VSIR: variants seen among roughly 807,000 people sequenced by gnomAD.
The protein encoded by VSIR is V-set immunoregulatory receptor.
A neutral mutation model predicts 31.0 loss-of-function variants in VSIR; 10 were observed. The ratio of observed to expected loss-of-function variants is 0.32; its 90% confidence interval spans 0.20 to 0.55. The LOEUF is 0.55. VSIR is among the 20% of genes least tolerant of loss of function. The probability of loss-of-function intolerance (pLI) is 0.93; values close to 1 mark genes in which losing one functional copy is unlikely to be tolerated. For synonymous variants in VSIR, 179 were observed against 180.1 expected (o/e 0.99, Z 0.05); for missense variants, 356 against 416.2 (o/e 0.86, Z 1.26).
In VSIR at chr10:71,767,314, G is replaced by C. The variant is rs573123010; in HGVS notation, c.83-5288C>G. Among the ~76,000 whole-genome samples the C allele has an allele frequency of 5.9e-5, 9 of 152,314 alleles. No individual in the cohort carries two copies. The South Asian group carries it at 1.9e-3, about 32-fold the overall frequency. On this transcript the variant is annotated intron_variant, in intron 1 of 6. Coordinates refer to ENST00000394957, the MANE Select transcript of VSIR (RefSeq NM_022153.2). ...CAGGGCGTGAGCTTAGCCCACAGTC[G>C]CCAAGGCAACGCCCTAGCCTTTGGA... is the stretch of plus-strand genomic sequence containing the variant.
chr10:71,755,668 A>G (rs917881142), intron 3 of VSIR, among the ~76,000 whole-genome samples: 1 of 152,096 alleles, frequency 6.6e-6, no homozygotes. Flanking sequence ...CTGCCGCCCT[A>G]TGCCCCTGGA....
At chr10:71,756,222 G>A (rs762097876) in intron 3 of VSIR, among the ~76,000 whole-genome samples, 13 of 152,178 alleles carry the variant, frequency 8.5e-5, no homozygotes, top group Non-Finnish European at 1.3e-4. Context: ...CCTCTGAAGA[G>A]ATCATCCCTG....
chr10:71,761,015 G>C, intron 2 of VSIR, 91 bp from the exon 3 acceptor site: 1 of 1,321,194 alleles, frequency 7.6e-7, no homozygotes, highest in Non-Finnish European at 1.1e-6. Flanking sequence ...TCCTGCCCCA[G>C]GTTCTCACGC....
intron 4 of VSIR, 53 bp from the exon 5 acceptor site, chr10:71,753,055 C>G (rs1840046218): frequency 1.3e-6 from 2 of 1,593,142 alleles, no homozygotes; most frequent in Admixed American, 1.7e-5. Flanking sequence ...CTTCCCCATA[C>G]AACATCCCTG....
At position 71,773,415 on chromosome 10, in the gene VSIR, C is replaced by A. The variant is rs1270829068; in HGVS notation, c.25G>T (p.Ala9Ser). 1 of 1,606,726 alleles carries A rather than the reference C, an allele frequency of 6.2e-7. No individual in the cohort carries two copies. The highest frequency in any genetic ancestry group is 1.7e-5 in the Admixed American group (1 of 59,200). Residue 9 changes from alanine (A) to serine (S), a missense_variant, in exon 1 of 7, where the codon GCC becomes TCC. Ala to Ser is a moderately conservative substitution (Grantham distance 99). Coordinates refer to ENST00000394957, the MANE Select transcript of VSIR (RefSeq NM_022153.2). ...AGGGATCCCCAGCGCCAGCTGCCGG[C>A]CTCCAGGGCCGTGGGGACGCCCATG... MGVPTALE[A>S]GSWRWGSLLF...
At chr10:71,759,430 C>A (rs1840238238) in intron 3 of VSIR, among the ~76,000 whole-genome samples, 1 of 151,998 alleles carries the variant, frequency 6.6e-6, no homozygotes, top group African/African-American at 2.4e-5. Flanking sequence ...TCACTTGCAT[C>A]TGGAAGTTTG....
chr10:71,748,828 CCAG>C lies in VSIR; in HGVS notation c.*2422_*2424del. 2 of 152,884 alleles carry C rather than the reference CCAG, an allele frequency of 1.3e-5. No homozygotes were observed. Among genetic ancestry groups the C allele is most frequent in the Non-Finnish European group, 2.9e-5 (2 of 68,112 alleles). The allele number at this position is 152,884 out of a possible 1,614,324, so 9.5% of individuals were successfully genotyped here. On this transcript the variant is annotated 3_prime_UTR_variant, in exon 7 of 7. Transcript: ENST00000394957. ...GGCGGCTCCAGCAGCCTGCCCCTCCCCAGCAGCAGCAGGGAGGGACGTCCCTAG... is the reference window on the plus strand; with the variant it reads ...GGCGGCTCCAGCAGCCTGCCCCTCCCCAGCAGCAGGGAGGGACGTCCCTAG...
intron 3 of VSIR, among the ~76,000 whole-genome samples, chr10:71,759,561 G>A (rs952410977): frequency 3.3e-5 from 5 of 150,988 alleles, no homozygotes; most frequent in Admixed American, 6.6e-5. Flanking sequence ...TGTAATCCCA[G>A]CACTTTGGGA....
intron 1 of VSIR, among the ~76,000 whole-genome samples, chr10:71,766,774 G>A (rs553449877): frequency 1.5e-3 from 224 of 152,300 alleles, no homozygotes; most frequent in African/African-American, 4.8e-3. Context: ...AGTGCTGTGT[G>A]ACTGAGCTGA....
intron 1 of VSIR, among the ~76,000 whole-genome samples, chr10:71,763,635 G>A (rs1302609967): frequency 1.3e-5 from 2 of 152,188 alleles, no homozygotes; most frequent in African/African-American, 2.4e-5. Context: ...GCTGAGCCCC[G>A]ACTCCTCACT....
In VSIR at chr10:71,759,854, C is replaced by CACACACACATATATAT. The variant is rs1482468493; in HGVS notation, c.568+1013_568+1014insATATATATGTGTGTGT. 3.5e-3 allele frequency among the ~76,000 whole-genome samples: 385 copies of CACACACACATATATAT among 109,300 alleles called. 170 individuals are homozygous for CACACACACATATATAT. The highest frequency in any genetic ancestry group is 9.3e-3 in the Middle Eastern group (2 of 214). 71.7% of individuals were successfully genotyped at this position (109,300 alleles called of 152,430 possible). The stretch of plus-strand genomic sequence containing the variant: ...ACACACACACACACACACATATACA[C>CACACACACATATATAT]ACACACACACATATATATACACACA... On this transcript the variant is annotated intron_variant, in intron 3 of 6. Transcript: ENST00000394957.
At chr10:71,770,794 C>T (rs1164334478) in intron 1 of VSIR, among the ~76,000 whole-genome samples, 1 of 152,210 alleles carries the variant, frequency 6.6e-6, no homozygotes, top group Non-Finnish European at 1.5e-5. Flanking sequence ...CCAGCGGAAC[C>T]TTTGCCCTGC....
At position 71,750,271 on chromosome 10, in the gene VSIR, G is replaced by A. The variant is rs1290784548; in HGVS notation, c.*982C>T. On this transcript the variant is annotated 3_prime_UTR_variant, in exon 7 of 7. Transcript: ENST00000394957. The stretch of plus-strand genomic sequence containing the variant: ...AGGTGGGGGTGGGGGAGGAGCAGCA[G>A]AGTGCAGATTTAAACTGGCTCTTAC... 6.6e-6 allele frequency: 1 copy of A among 152,354 alleles called. No individual in the cohort carries two copies. Among genetic ancestry groups the A allele is most frequent in the Non-Finnish European group, 1.5e-5 (1 of 68,118 alleles). The allele number at this position is 152,354 out of a possible 1,614,324, so 9.4% of individuals were successfully genotyped here.
At chr10:71,753,685 A>G (rs1840062946) in intron 4 of VSIR, 2 of 446,722 alleles carry the variant, frequency 4.5e-6, no homozygotes, top group South Asian at 1.6e-5. Context: ...AGTGACCCCA[A>G]CTTCCCTCTT....
At chr10:71,755,921 T>C (rs10999984) in intron 3 of VSIR, among the ~76,000 whole-genome samples, 12,964 of 152,252 alleles carry the variant, frequency 0.085, 903 homozygotes, top group East Asian at 0.35. Context: ...ATGTAATTAA[T>C]GCCACCAAAC....
At chr10:71,764,269 A>G (rs1367586162) in intron 1 of VSIR, among the ~76,000 whole-genome samples, 1 of 152,210 alleles carries the variant, frequency 6.6e-6, no homozygotes, top group East Asian at 1.9e-4. Flanking sequence ...TAACAATGCC[A>G]TAAGGTATTG....
In VSIR at chr10:71,761,809, G is replaced by C. The variant is rs1381380702; in HGVS notation, c.300C>G (p.His100Gln). ...TGTTGGCAGCCTGGTGGCCTCCATG[G>C]TGCAGGTGAAGGTCCTGGAACGTGA... is the stretch of plus-strand genomic sequence containing the variant. ...RNLTFQDLHL[H>Q]HGGHQAANTS... The change falls in exon 2 of 7, where the codon CAC (histidine) becomes CAG (glutamine). Residue 100 changes from histidine (H) to glutamine (Q), a missense_variant. By Grantham distance (24) the His-to-Gln change is conservative. Coordinates refer to ENST00000394957, the MANE Select transcript of VSIR (RefSeq NM_022153.2). 3.7e-6 allele frequency: 6 copies of C among 1,614,042 alleles called. No individual in the cohort carries two copies. In the Admixed American group the frequency reaches 1.0e-4, roughly 27 times the overall value.
intron 1 of VSIR, among the ~76,000 whole-genome samples, chr10:71,771,466 ATCT>A (rs1308026157): frequency 6.6e-6 from 1 of 152,208 alleles, no homozygotes; most frequent in Non-Finnish European, 1.5e-5. Context: ...CTGGTGATCA[ATCT>A]TCTCAACTTA....
chr10:71,757,803 G>T (rs970886139), intron 3 of VSIR, among the ~76,000 whole-genome samples: 5 of 152,200 alleles, frequency 3.3e-5, no homozygotes, highest in African/African-American at 1.2e-4. Flanking sequence ...CAGGGAGGAA[G>T]CTGGGTGAAA....
Sources: gnomAD v4.1 joint callset for allele counts (sites outside exome capture counted in the v4.1 genomes callset) on GRCh38, gnomAD v4.1.1 for gene constraint, MANE v1.5 for transcripts, NCBI Gene and HGNC (gene_info 2026-07-23, HGNC 2026-07-21) for gene names.